Variants in GNB1L observed in about 807,000 individuals in gnomAD.
The protein encoded by GNB1L is G protein subunit beta 1 like, also known as guanine nucleotide-binding protein subunit beta-like protein 1.
In GNB1L, 20 loss-of-function variants were observed where a neutral mutation model predicts 29.1. That is an observed-to-expected ratio of 0.69 (90% CI 0.48 to 1.00). The LOEUF (loss-of-function observed/expected upper bound fraction) is 1.00, where lower values mean the gene tolerates loss of function less well. Ranked by LOEUF, GNB1L falls within the 50% of genes least tolerant of loss-of-function variation. The pLI is 0.00. For synonymous variants in GNB1L, 193 were observed against 206.5 expected, an observed-to-expected ratio of 0.93 and a Z score of 0.56; for missense variants, 421 against 464.9, an observed-to-expected ratio of 0.91 and a Z score of 0.87.
rs1283040699 is a variant in GNB1L, at chr22:19,786,889, A to C, written c.*1820T>G. 6.6e-6 allele frequency: 1 copy of C among 152,258 alleles called. No individual in the cohort carries two copies. Among genetic ancestry groups the C allele is most frequent in the Non-Finnish European group, 1.5e-5 (1 of 68,080 alleles). 9.4% of individuals were successfully genotyped at this position (152,258 alleles called of 1,614,324 possible). A position where few individuals can be genotyped will look rare whatever the true frequency, so the allele number is the denominator to read the frequency against. ...GAGTGCCCTACGCATCCTGGCGGCT[A>C]TAGGACACTCGAGGAAAAGCAGCAG... On this transcript the variant is annotated 3_prime_UTR_variant, in exon 8 of 8. Transcript: ENST00000329517.
chr22:19,822,783 G>A (rs1937589620), intron 2 of GNB1L, among the ~76,000 whole-genome samples: 1 of 152,240 alleles, frequency 6.6e-6, no homozygotes, highest in Non-Finnish European at 1.5e-5. Flanking sequence ...GGCGGATGGG[G>A]GTGCAGGTTC....
chr22:19,829,674 A>G (rs1207111493), intron 2 of GNB1L, among the ~76,000 whole-genome samples: 1 of 152,182 alleles, frequency 6.6e-6, no homozygotes, highest in Non-Finnish European at 1.5e-5. Context: ...TAGAAATGCA[A>G]GGTTGGTTCA....
chr22:19,803,620 G>A (rs1411263985), intron 6 of GNB1L, among the ~76,000 whole-genome samples: 1 of 152,212 alleles, frequency 6.6e-6, no homozygotes, highest in African/African-American at 2.4e-5. Flanking sequence ...CCCAACATGG[G>A]CACCATGCCT....
rs544481907 is a variant in GNB1L, at chr22:19,813,424, G to C, written c.255-977C>G. On this transcript the variant is annotated intron_variant, in intron 4 of 7. Coordinates refer to ENST00000329517, the MANE Select transcript of GNB1L (RefSeq NM_053004.3). The stretch of plus-strand genomic sequence containing the variant: ...ATAAGGCTGGGTGCAGTGGCTCAAC[G>C]CCTGTACTCAGCACTGTGGGAGGCC... Among the ~76,000 whole-genome samples, 4 of 152,318 alleles carry C rather than the reference G, an allele frequency of 2.6e-5. No individual in the cohort carries two copies. In the East Asian group the frequency reaches 7.7e-4, roughly 29 times the overall value.
At chr22:19,792,397 G>A (rs1569037358) in intron 7 of GNB1L, 1 of 1,476,020 alleles carries the variant, frequency 6.8e-7, no homozygotes, top group Non-Finnish European at 9.4e-7. Flanking sequence ...TTTGAGAAAA[G>A]GCCTAAGAAT....
chr22:19,851,939 T>C (rs1014854135), intron 2 of GNB1L: 16 of 1,614,062 alleles, frequency 9.9e-6, no homozygotes, highest in Non-Finnish European at 1.2e-5. Context: ...CGGGGAGCCA[T>C]CAAAGGTGCC....
At chr22:19,840,047 C>T (rs530279654) in intron 2 of GNB1L, among the ~76,000 whole-genome samples, 1 of 146,646 alleles carries the variant, frequency 6.8e-6, no homozygotes, top group South Asian at 2.2e-4. Context: ...CTAGGCAACA[C>T]AGCAAGATCT....
chr22:19,826,445 T>G (rs929472069), intron 2 of GNB1L, among the ~76,000 whole-genome samples: 4 of 151,546 alleles, frequency 2.6e-5, no homozygotes, highest in African/African-American at 9.7e-5. Flanking sequence ...TAATCGAGAG[T>G]CATGAGAGGC....
chr22:19,817,693 G>C (rs1937540888), intron 4 of GNB1L, among the ~76,000 whole-genome samples: 11 of 152,114 alleles, frequency 7.2e-5, no homozygotes, highest in Admixed American at 7.2e-4. Flanking sequence ...TGAGGCGTGA[G>C]GGGCTACCTC....
Position 19,806,735 on chromosome 22 carries a change from G to C in GNB1L, c.440C>G (p.Ser147Cys), listed in dbSNP as rs1937440424. 1 of 1,613,260 alleles carries C rather than the reference G, an allele frequency of 6.2e-7. No homozygotes were observed. Among genetic ancestry groups the C allele is most frequent in the Non-Finnish European group, 8.5e-7 (1 of 1,179,432 alleles). ...CTTCAGGGCGCACACTGACGTCTTG[G>C]AGGGCATCTCCAGAATCTGAACCTG... ...SDEVQILEMPSKTSVCALKPK... is the reference protein window; with the variant it reads ...SDEVQILEMPCKTSVCALKPK... Residue 147 changes from serine to cysteine, a missense_variant, in exon 6 of 8, where the codon TCC (serine) becomes TGC (cysteine). Ser to Cys is a moderately radical substitution (Grantham distance 112, BLOSUM62 -1). Coordinates refer to ENST00000329517, the MANE Select transcript of GNB1L (RefSeq NM_053004.3).
chr22:19,846,739 A>C (rs1238877421), intron 2 of GNB1L: 1 of 365,776 alleles, frequency 2.7e-6, no homozygotes, highest in African/African-American at 2.2e-5. Flanking sequence ...TAGGACACAG[A>C]CACAGACAGG....
In GNB1L at chr22:19,820,659, C is replaced by A. The variant is rs1937570727; in HGVS notation, c.193G>T (p.Gly65Cys). 3 of 1,613,542 alleles carry A rather than the reference C, an allele frequency of 1.9e-6. No individual in the cohort carries two copies. Among genetic ancestry groups the A allele is most frequent in the Non-Finnish European group, 2.5e-6 (3 of 1,179,914 alleles). ...QTRRAVTTLD[G>C]HGGQCVTWLQ... ...CAGGTCACACACTGGCCGCCGTGGC[C>A]ATCCAGGGTGGTAACCGCTCTCCGC... The change falls in exon 4 of 8, where the codon GGC becomes TGC. Residue 65 changes from glycine (G) to cysteine (C), a missense_variant. Gly to Cys is a radical substitution (Grantham distance 159). Coordinates refer to ENST00000329517, the MANE Select transcript of GNB1L (RefSeq NM_053004.3).
intron 5 of GNB1L, among the ~76,000 whole-genome samples, chr22:19,807,928 G>A (rs1357349448): frequency 2.0e-5 from 3 of 152,222 alleles, no homozygotes; most frequent in Non-Finnish European, 4.4e-5. Context: ...GGGCAGGGCA[G>A]AGAGCTGGGC....
intron 2 of GNB1L, chr22:19,846,377 A>G: frequency 2.1e-6 from 2 of 974,260 alleles, no homozygotes; most frequent in Non-Finnish European, 2.4e-6. Context: ...AGTGAGAAAC[A>G]GCATCCCATA....
chr22:19,837,438 A>G (rs1937785022), intron 2 of GNB1L, among the ~76,000 whole-genome samples: 3 of 152,262 alleles, frequency 2.0e-5, no homozygotes, highest in Non-Finnish European at 1.5e-5. Flanking sequence ...ATTTGAACAA[A>G]CACTTCACCA....
At position 19,787,810 on chromosome 22, in the gene GNB1L, G is replaced by A. The variant is rs1170537359; in HGVS notation, c.*899C>T. On this transcript the variant is annotated 3_prime_UTR_variant, in exon 8 of 8. Transcript: ENST00000329517. ...TCAACACCCGCTTTTAGGAGGAGACGACCGGCCAGGCTGGGCCCGGCTGCA... is the reference window on the plus strand; with the variant it reads ...TCAACACCCGCTTTTAGGAGGAGACAACCGGCCAGGCTGGGCCCGGCTGCA... 2.0e-5 allele frequency: 3 copies of A among 152,532 alleles called. No homozygotes were observed. Among genetic ancestry groups the A allele is most frequent in the Non-Finnish European group, 2.9e-5 (2 of 68,276 alleles). The allele number at this position is 152,532 out of a possible 1,614,324, so 9.4% of individuals were successfully genotyped here.
In GNB1L at chr22:19,816,640, C is replaced by T. The variant is rs1037528572; in HGVS notation, c.254+3958G>A. Among the ~76,000 whole-genome samples the T allele has an allele frequency of 6.6e-6, 1 of 152,074 alleles. No homozygotes were observed. The highest frequency in any genetic ancestry group is 3.2e-3 in the Middle Eastern group (1 of 316). On this transcript the variant is annotated intron_variant, in intron 4 of 7. Transcript: ENST00000329517. The surrounding 1 kb of genome is among the most constrained non-coding windows in gnomAD (Gnocchi z 4.4). ...TCACACACACCACACACCTCATACA[C>T]ACCTCACATACATACACACCACACA...
chr22:19,824,965 C>T (rs1937608529), intron 2 of GNB1L, among the ~76,000 whole-genome samples: 1 of 152,224 alleles, frequency 6.6e-6, no homozygotes, highest in Non-Finnish European at 1.5e-5. Context: ...GCCCTGTGCT[C>T]AGTCCCCTAG....
At chr22:19,794,466 T>G (rs1342007292) in intron 7 of GNB1L, among the ~76,000 whole-genome samples, 1 of 151,934 alleles carries the variant, frequency 6.6e-6, no homozygotes, top group Non-Finnish European at 1.5e-5. Context: ...GGAACAAAAG[T>G]GGCAAGAGGT....
Sources: allele counts gnomAD v4.1 joint callset (sites outside exome capture counted in the v4.1 genomes callset), GRCh38; gene constraint gnomAD v4.1.1; non-coding constraint Gnocchi (gnomAD v3.1); transcripts MANE v1.5; gene names NCBI Gene and HGNC (gene_info 2026-07-23, HGNC 2026-07-21).